RNF103: variants seen among roughly 807,000 people sequenced by gnomAD.
The protein encoded by RNF103 is E3 ubiquitin-protein ligase RNF103.
A neutral mutation model predicts 66.2 loss-of-function variants in RNF103; 23 were observed. The ratio of observed to expected loss-of-function variants is 0.35; its 90% CI spans 0.25 to 0.49. RNF103 has a LOEUF of 0.49. RNF103 is among the 20% of genes least tolerant of loss of function. The pLI is 0.98. For missense variants in RNF103, 730 were observed against 814.7 expected (o/e 0.90, Z 1.27); for synonymous variants, 297 against 289.9 (o/e 1.02, Z -0.25).
At position 86,605,369 on chromosome 2, in the gene RNF103, G is replaced by A; in HGVS notation, c.532C>T (p.Pro178Ser). The change falls in exon 4 of 4, where the codon CCA becomes TCA. Residue 178 changes from proline to serine, a missense_variant. Transcript: ENST00000237455. The stretch of plus-strand genomic sequence containing the variant: ...TTCCCTTTTGAAGTACTTGTTTGTG[G>A]AACAGACATAATGAGTGTGGATCGG... ...WVRSTLIMSV[P>S]QTSTSKGKVM... is the part of the protein sequence containing the mutation. The A allele has an allele frequency of 6.2e-7, 1 of 1,614,026 alleles. No individual in the cohort carries two copies. Among genetic ancestry groups the A allele is most frequent in the Non-Finnish European group, 8.5e-7 (1 of 1,179,944 alleles).
In RNF103 at chr2:86,623,345, G is replaced by T. The variant is rs1679310748; in HGVS notation, c.-459C>A. 2 of 984,302 alleles carry T rather than the reference G, an allele frequency of 2.0e-6. No homozygotes were observed. Among genetic ancestry groups the T allele is most frequent in the Non-Finnish European group, 2.4e-6 (2 of 829,672 alleles). The allele number at this position is 984,302 out of a possible 1,614,324, so 61.0% of individuals were successfully genotyped here. A position where few individuals can be genotyped will look rare whatever the true frequency, so the allele number is the denominator to read the frequency against. Reference sequence around the variant, plus strand: ...AGATCCGCCCAGGAGGCGGGGATCCGGGCGGCAGGCCGGGGCCCGAGGGGC... The same window carrying T: ...AGATCCGCCCAGGAGGCGGGGATCCTGGCGGCAGGCCGGGGCCCGAGGGGC... On this transcript the variant is annotated 5_prime_UTR_variant, in exon 1 of 4. Transcript: ENST00000237455.
At chr2:86,620,503 T>C in intron 1 of RNF103, 34 bp from the exon 2 acceptor site, 1 of 1,501,398 alleles carries the variant, frequency 6.7e-7, no homozygotes, top group Non-Finnish European at 9.0e-7. Context: ...CTAATAAGGT[T>C]GCAAGAATCC....
At position 86,623,401 on chromosome 2, in the gene RNF103, C is replaced by T. The variant is rs1679314563; in HGVS notation, c.-515G>A. ...GGGCCGGACTCCCGCGGCCGCGGGT[C>T]AGGAGGGCGCGGCGCTCGGCCGGGC... On this transcript the variant is annotated 5_prime_UTR_variant, in exon 1 of 4. Coordinates refer to ENST00000237455, the MANE Select transcript of RNF103 (RefSeq NM_005667.4). 3.1e-6 allele frequency: 3 copies of T among 979,810 alleles called. No homozygotes were observed. Among genetic ancestry groups the T allele is most frequent in the Admixed American group, 6.2e-5 (1 of 16,020 alleles). 60.7% of individuals were successfully genotyped at this position (979,810 alleles called of 1,614,324 possible).
intron 2 of RNF103, chr2:86,614,959 C>T (rs1678960658): frequency 8.1e-6 from 8 of 985,260 alleles, no homozygotes; most frequent in South Asian, 4.7e-5. Context: ...GAGGTTGCCT[C>T]GCCAGTGTAA....
In RNF103 at chr2:86,623,850, G is replaced by A. The variant is rs1034014921; in HGVS notation, c.-964C>T. ...CCGTGTATCAGCGGCGGCCGCGGCC[G>A]GAGCCGAGACATAACAACTGACGTC... On this transcript the variant is annotated 5_prime_UTR_variant, in exon 1 of 4. Coordinates refer to ENST00000237455, the MANE Select transcript of RNF103 (RefSeq NM_005667.4). 30 of 1,287,804 alleles carry A rather than the reference G, an allele frequency of 2.3e-5. No homozygotes were observed. Among genetic ancestry groups the A allele is most frequent in the Non-Finnish European group, 2.8e-5 (28 of 988,332 alleles). 79.8% of individuals were successfully genotyped at this position (1,287,804 alleles called of 1,614,324 possible).
chr2:86,610,470 T>C (rs1448206677), intron 3 of RNF103, among the ~76,000 whole-genome samples: 1 of 152,234 alleles, frequency 6.6e-6, no homozygotes, highest in Non-Finnish European at 1.5e-5. Context: ...TTATGGTTTG[T>C]CTGCCCCCAC....
intron 2 of RNF103, chr2:86,617,816 G>T: frequency 9.4e-7 from 1 of 1,060,832 alleles, no homozygotes; most frequent in South Asian, 2.7e-5. Flanking sequence ...TCTTTTAAGG[G>T]CTTAAACCAA....
intron 2 of RNF103, among the ~76,000 whole-genome samples, chr2:86,619,463 G>C (rs1298471410): frequency 1.3e-5 from 2 of 152,120 alleles, no homozygotes; most frequent in Non-Finnish European, 2.9e-5. Context: ...TCACCTCTCA[G>C]AGTCTCAGAA....
At position 86,622,719 on chromosome 2, in the gene RNF103, C is replaced by T. The variant is rs1302269629; in HGVS notation, c.168G>A (p.Gly56=). 1 of 1,614,160 alleles carries T rather than the reference C, an allele frequency of 6.2e-7. No homozygotes were observed. The highest frequency in any genetic ancestry group is 8.5e-7 in the Non-Finnish European group (1 of 1,180,026). Residue 56 remains glycine, a synonymous_variant, in exon 1 of 4, where the codon GGG becomes GGA. Coordinates refer to ENST00000237455, the MANE Select transcript of RNF103 (RefSeq NM_005667.4). ...KKLKTILECR[G]LGYSGLPEKK... is the part of the protein sequence containing the mutation. ...TCTCGGGCAACCCTGAGTAGCCCAA[C>T]CCCCGGCACTCCAAAATGGTCTTCA...
At position 86,623,159 on chromosome 2, in the gene RNF103, C is replaced by T. The variant is rs921988260; in HGVS notation, c.-273G>A. The T allele has an allele frequency of 1.2e-4, 136 of 1,130,534 alleles. No homozygotes were observed. Among genetic ancestry groups the T allele is most frequent in the Non-Finnish European group, 1.4e-4 (133 of 925,556 alleles). The allele number at this position is 1,130,534 out of a possible 1,614,324, so 70.0% of individuals were successfully genotyped here. A position where few individuals can be genotyped will look rare whatever the true frequency, so the allele number is the denominator to read the frequency against. On this transcript the variant is annotated 5_prime_UTR_variant, in exon 1 of 4. Transcript: ENST00000237455. ...AAAAATAAAGGGGAAAAACTCAAAA[C>T]CCCCATCCATTAAGCACAGAAAGGA...
intron 2 of RNF103, among the ~76,000 whole-genome samples, chr2:86,619,222 C>T (rs1679133072): frequency 6.6e-6 from 1 of 152,202 alleles, no homozygotes; most frequent in African/African-American, 2.4e-5. Flanking sequence ...GTAACAGCGA[C>T]AGTACCAGAC....
At chr2:86,606,156 AT>A (rs1436662628) in intron 3 of RNF103, among the ~76,000 whole-genome samples, 2 of 152,136 alleles carry the variant, frequency 1.3e-5, no homozygotes, top group Non-Finnish European at 2.9e-5. Flanking sequence ...AACAGGAAGT[AT>A]TTAGATTAAG....
chr2:86,617,850 C>T, intron 2 of RNF103: 1 of 1,084,628 alleles, frequency 9.2e-7, no homozygotes, highest in East Asian at 7.4e-5. Context: ...ATTGGCTTAG[C>T]TGGCTAGTTC....
intron 2 of RNF103, among the ~76,000 whole-genome samples, chr2:86,619,948 A>G (rs1255171303): frequency 1.3e-5 from 2 of 152,222 alleles, no homozygotes. Context: ...ACTTATATAT[A>G]AAAATTACTC....
chr2:86,616,989 A>C (rs1679047374), intron 2 of RNF103: 1 of 985,376 alleles, frequency 1.0e-6, no homozygotes, highest in Non-Finnish European at 1.2e-6. Flanking sequence ...GAATCCACAA[A>C]ACTGTTAAAT....
intron 2 of RNF103, chr2:86,613,738 G>A (rs1189537567): frequency 6.6e-6 from 1 of 152,112 alleles, no homozygotes; most frequent in Admixed American, 6.5e-5. Context: ...ATGTCAGAGG[G>A]CAGCAGAAGA....
In RNF103 at chr2:86,604,097, C is replaced by T; in HGVS notation, c.1804G>A (p.Glu602Lys). ...GTTAACCAATCAGGTTCCATATCTT[C>T]ATTAGTGTTATATGATCCATATGAC... is the stretch of plus-strand genomic sequence containing the variant. ...GRSYGSYNTN[E>K]DMEPDWLTWP... Residue 602 changes from glutamate (E) to lysine (K), a missense_variant, in exon 4 of 4, where the codon GAA (glutamate) becomes AAA (lysine). Coordinates refer to ENST00000237455, the MANE Select transcript of RNF103 (RefSeq NM_005667.4). The T allele has an allele frequency of 6.2e-7, 1 of 1,613,686 alleles. No homozygotes were observed. Among genetic ancestry groups the T allele is most frequent in the Non-Finnish European group, 8.5e-7 (1 of 1,180,038 alleles).
At chr2:86,606,625 T>C (rs1573352652) in intron 3 of RNF103, among the ~76,000 whole-genome samples, 1 of 130,066 alleles carries the variant, frequency 7.7e-6, no homozygotes, top group South Asian at 2.3e-4. Flanking sequence ...ATCACGCCAC[T>C]GCACTCCAGC....
intron 2 of RNF103, chr2:86,616,658 A>G (rs1679036935): frequency 1.0e-6 from 1 of 985,220 alleles, no homozygotes; most frequent in South Asian, 4.7e-5. Flanking sequence ...TATTGATGTA[A>G]TACTTCAGTA....
Sources: gnomAD v4.1 joint callset for allele counts (sites outside exome capture counted in the v4.1 genomes callset) on GRCh38, gnomAD v4.1.1 for gene constraint, MANE v1.5 for transcripts, NCBI Gene and HGNC (gene_info 2026-07-23, HGNC 2026-07-21) for gene names.